EPHB1: variants seen among roughly 807,000 people sequenced by gnomAD.
EPHB1 encodes the protein ephrin type-B receptor 1.
A neutral mutation model predicts 94.4 loss-of-function variants in EPHB1; 30 were observed. The ratio of observed to expected loss-of-function variants is 0.32; its 90% CI spans 0.24 to 0.43. The LOEUF (loss-of-function observed/expected upper bound fraction) is 0.43. EPHB1 is among the 20% of genes least tolerant of loss of function. The pLI, the probability that EPHB1 is intolerant of heterozygous loss-of-function variation, is 1.00. For missense variants in EPHB1, 1,055 were observed against 1,308.3 expected (o/e 0.81, Z 2.99); for synonymous variants, 522 against 489.1 (o/e 1.07, Z -0.89).
chr3:135,236,583 T>A (rs1382417401), intron 12 of EPHB1, among the ~76,000 whole-genome samples: 1 of 152,178 alleles, frequency 6.6e-6, no homozygotes, highest in Non-Finnish European at 1.5e-5. Flanking sequence ...TCAATATACT[T>A]TATGTATTAT....
intron 4 of EPHB1, among the ~76,000 whole-genome samples, chr3:135,126,548 A>G (rs551404894): frequency 3.3e-5 from 5 of 152,312 alleles, no homozygotes; most frequent in Admixed American, 2.0e-4. Context: ...TAAGAACTGG[A>G]CCCATTCTGG....
chr3:135,053,017 GTGTGTGTGTGTA>G (rs1937231331), intron 3 of EPHB1, among the ~76,000 whole-genome samples: 2 of 27,188 alleles, frequency 7.4e-5, no homozygotes, highest in Admixed American at 6.4e-4. Context: ...ATATATATGT[GTGTGTGTGTGTA>G]TATATATATA....
chr3:135,257,353 T>C lies in EPHB1; in HGVS notation c.2847-1659T>C, dbSNP rs1481086874. 5.9e-5 allele frequency among the ~76,000 whole-genome samples: 9 copies of C among 152,262 alleles called. No homozygotes were observed. In the South Asian group the frequency reaches 1.9e-3, roughly 32 times the overall value. ...TTTTCCCCATCTTTGTGGTTTTATC[T>C]ACTTTTGGTCTTTGATGATGGTGAT... On this transcript the variant is annotated intron_variant, in intron 15 of 15. Coordinates refer to ENST00000398015, the MANE Select transcript of EPHB1 (RefSeq NM_004441.5).
At position 135,132,697 on chromosome 3, in the gene EPHB1, T is replaced by C; in HGVS notation, c.962-17T>C. 6.4e-7 allele frequency: 1 copy of C among 1,557,718 alleles called. No individual in the cohort carries two copies. The highest frequency in any genetic ancestry group is 1.8e-5 in the Admixed American group (1 of 56,766). On this transcript the variant is annotated splice_polypyrimidine_tract_variant and intron_variant, in intron 4 of 15. Transcript: ENST00000398015. ...GCTTATGTCTAGCCTCACTGGACCT[T>C]CTTTGTCTCCCTGCAGGCGTCCCAT...
At chr3:134,817,874 T>A (rs747501855) in intron 1 of EPHB1, among the ~76,000 whole-genome samples, 1 of 152,222 alleles carries the variant, frequency 6.6e-6, no homozygotes, top group African/African-American at 2.4e-5. Context: ...CCCAAGCCCC[T>A]GCCCAGAGGG....
At chr3:135,089,165 C>A (rs1443704874) in intron 3 of EPHB1, among the ~76,000 whole-genome samples, 2 of 152,152 alleles carry the variant, frequency 1.3e-5, no homozygotes, top group African/African-American at 2.4e-5. Context: ...TTTGTTTATT[C>A]TAGGTAAATT....
intron 3 of EPHB1, among the ~76,000 whole-genome samples, chr3:135,095,581 G>A (rs771882134): frequency 2.0e-5 from 3 of 152,098 alleles, no homozygotes; most frequent in Non-Finnish European, 2.9e-5. Context: ...AGTGGCTTCC[G>A]TGGACTTCAG....
intron 3 of EPHB1, among the ~76,000 whole-genome samples, chr3:135,016,738 G>T (rs567480869): frequency 6.6e-6 from 1 of 152,300 alleles, no homozygotes; most frequent in South Asian, 2.1e-4. Flanking sequence ...CCTTCCTCTT[G>T]CCTGGGAAAA....
chr3:134,822,373 C>A (rs1261163848), intron 1 of EPHB1, among the ~76,000 whole-genome samples: 2 of 152,180 alleles, frequency 1.3e-5, no homozygotes, highest in Non-Finnish European at 2.9e-5. Flanking sequence ...TGATCAACCA[C>A]CCTTCACTCA....
intron 3 of EPHB1, among the ~76,000 whole-genome samples, chr3:135,033,774 A>G (rs1936561027): frequency 1.3e-5 from 2 of 152,220 alleles, no homozygotes; most frequent in Non-Finnish European, 2.9e-5. Context: ...CAGGAAATGA[A>G]GACTAATACG....
intron 5 of EPHB1, among the ~76,000 whole-genome samples, chr3:135,151,728 C>G (rs1252035705): frequency 6.6e-6 from 1 of 152,020 alleles, no homozygotes; most frequent in Non-Finnish European, 1.5e-5. Flanking sequence ...AAGTTGCAGG[C>G]AAGAAAAAAT....
chr3:134,810,997 A>C (rs1170135551), intron 1 of EPHB1, among the ~76,000 whole-genome samples: 1 of 152,152 alleles, frequency 6.6e-6, no homozygotes, highest in Non-Finnish European at 1.5e-5. Flanking sequence ...GGGGAGTCCC[A>C]TAAAGGACTG....
At chr3:134,887,578 C>T (rs1210388273) in intron 1 of EPHB1, among the ~76,000 whole-genome samples, 1 of 152,134 alleles carries the variant, frequency 6.6e-6, no homozygotes, top group Non-Finnish European at 1.5e-5. Flanking sequence ...GTATTTGTTT[C>T]CATTTATATC....
chr3:135,039,649 A>G (rs1339283299), intron 3 of EPHB1, among the ~76,000 whole-genome samples: 2 of 151,828 alleles, frequency 1.3e-5, no homozygotes, highest in Non-Finnish European at 2.9e-5. Context: ...GACTCAGTAC[A>G]CCCTCCGCAG....
chr3:135,158,872 A>G (rs1941431087), intron 6 of EPHB1, among the ~76,000 whole-genome samples: 1 of 152,204 alleles, frequency 6.6e-6, no homozygotes, highest in Non-Finnish European at 1.5e-5. Flanking sequence ...TAATAACTAT[A>G]TAGGCTAGGA....
In EPHB1 at chr3:135,053,027, GTATATATATA is replaced by G. The variant is rs1243029809; in HGVS notation, c.806-53402_806-53393del. Among the ~76,000 whole-genome samples the G allele has an allele frequency of 1.8e-5, 2 of 110,474 alleles. 1 individual carries two copies. Among genetic ancestry groups the G allele is most frequent in the East Asian group, 5.2e-4 (2 of 3,856 alleles). The allele number at this position is 110,474 out of a possible 152,430, so 72.5% of individuals were successfully genotyped here. On this transcript the variant is annotated intron_variant, in intron 3 of 15. Coordinates refer to ENST00000398015, the MANE Select transcript of EPHB1 (RefSeq NM_004441.5). ...TGTGTATATATATGTGTGTGTGTGTGTATATATATATATATATATATATATATAAAGTTGG... is the reference window on the plus strand; with the variant it reads ...TGTGTATATATATGTGTGTGTGTGTGTATATATATATATATATAAAGTTGG...
At chr3:134,825,211 T>C (rs1292896604) in intron 1 of EPHB1, among the ~76,000 whole-genome samples, 1 of 152,250 alleles carries the variant, frequency 6.6e-6, no homozygotes, top group Non-Finnish European at 1.5e-5. Context: ...GGCCTGCCTC[T>C]TGGTGAATCC....
chr3:135,157,830 A>G (rs1941400266), intron 6 of EPHB1, among the ~76,000 whole-genome samples: 1 of 152,238 alleles, frequency 6.6e-6, no homozygotes, highest in African/African-American at 2.4e-5. Flanking sequence ...AGATATACAC[A>G]GATATATTAG....
intron 1 of EPHB1, among the ~76,000 whole-genome samples, chr3:134,798,022 G>A (rs1248955971): frequency 6.6e-6 from 1 of 152,192 alleles, no homozygotes. Flanking sequence ...TATTTGGTTC[G>A]TGATGAGTGA....
Sources: allele counts gnomAD v4.1 joint callset (sites outside exome capture counted in the v4.1 genomes callset), GRCh38; gene constraint gnomAD v4.1.1; transcripts MANE v1.5; gene names NCBI Gene and HGNC (gene_info 2026-07-23, HGNC 2026-07-21).